RIN3: variants seen among roughly 807,000 people sequenced by gnomAD.
RIN3 encodes RAB5 interacting protein 3.
RIN3 carries 54 observed loss-of-function variants against 76.3 expected under a neutral mutation model. The observed-to-expected ratio is 0.71, with a 90% CI of 0.57 to 0.89. The LOEUF (loss-of-function observed/expected upper bound fraction) is 0.89, where lower values mean the gene tolerates loss of function less well. RIN3 is among the 40% of genes least tolerant of loss of function. The pLI, the probability that RIN3 is intolerant of heterozygous loss-of-function variation, is 0.00. For missense variants in RIN3, 1,256 were observed against 1,322.1 expected, an observed-to-expected ratio of 0.95 and a Z score of 0.78; for synonymous variants, 576 against 564.0, an observed-to-expected ratio of 1.02 and a Z score of -0.30.
rs185372889 is a variant in RIN3, at chr14:92,526,761, T to A, written c.44+12785T>A. On this transcript the variant is annotated intron_variant, in intron 1 of 9. Transcript: ENST00000216487. ...AGCAAGACTCTGTCTCATAAATAAA[T>A]AAAAACTGAGCTGTGTCTCAGTGTC... Among the ~76,000 whole-genome samples the A allele has an allele frequency of 1.6e-3, 245 of 152,216 alleles. 2 individuals are homozygous for A. The highest frequency in any genetic ancestry group is 5.5e-3 in the African/African-American group (229 of 41,538).
chr14:92,638,060 C>T (rs756169868), intron 4 of RIN3, among the ~76,000 whole-genome samples: 1 of 152,202 alleles, frequency 6.6e-6, no homozygotes, highest in Non-Finnish European at 1.5e-5. Flanking sequence ...GCTCAGCAAA[C>T]ACCCACGTCC....
At chr14:92,519,594 T>G (rs191084043) in intron 1 of RIN3, among the ~76,000 whole-genome samples, 1 of 151,984 alleles carries the variant, frequency 6.6e-6, no homozygotes, top group East Asian at 2.0e-4. Flanking sequence ...AGGGTTGGAG[T>G]CTGAGGGGCG....
At chr14:92,558,522 AGAG>A (rs1367370769) in intron 2 of RIN3, among the ~76,000 whole-genome samples, 4 of 152,230 alleles carry the variant, frequency 2.6e-5, no homozygotes. Context: ...ACCGAGGCTA[AGAG>A]GAGTGCTTTA....
intron 3 of RIN3, among the ~76,000 whole-genome samples, chr14:92,583,379 TG>T (rs1185686402): frequency 1.3e-5 from 2 of 152,230 alleles, no homozygotes; most frequent in African/African-American, 4.8e-5. Flanking sequence ...AGTGTTTCCT[TG>T]AAACTCTCTG....
intron 4 of RIN3, among the ~76,000 whole-genome samples, chr14:92,628,208 C>T (rs891869969): frequency 6.6e-6 from 1 of 152,186 alleles, no homozygotes; most frequent in Non-Finnish European, 1.5e-5. Flanking sequence ...GGAACCAAAA[C>T]CCTTTGAAGA....
At position 92,652,274 on chromosome 14, in the gene RIN3, G is replaced by T; in HGVS notation, c.1225G>T (p.Asp409Tyr). ...DQSPGMAAEG[D>Y]QLSLPPQGTS... ...AAGTCCGGGGATGGCGGCAGAGGGGGACCAGCTCAGCCTGCCTCCCCAAGG... is the reference window on the plus strand; with the variant it reads ...AAGTCCGGGGATGGCGGCAGAGGGGTACCAGCTCAGCCTGCCTCCCCAAGG... Residue 409 changes from aspartate to tyrosine, a missense_variant, in exon 6 of 10, where the codon GAC becomes TAC. Asp to Tyr is a radical substitution (Grantham distance 160, BLOSUM62 -3). Around this residue, in one of 3 missense-constraint regions of RIN3, gnomAD observed 610 missense variants for 626.4 expected, o/e 0.97. Transcript: ENST00000216487. This position sits in a 1 kb window ranked among gnomAD's most constrained non-coding sequence, Gnocchi z 6.4. 6.2e-7 allele frequency: 1 copy of T among 1,611,292 alleles called. No homozygotes were observed. Among genetic ancestry groups the T allele is most frequent in the Middle Eastern group, 1.7e-4 (1 of 6,048 alleles).
intron 1 of RIN3, chr14:92,515,021 G>A (rs1284777713): frequency 2.1e-6 from 1 of 476,124 alleles, no homozygotes; most frequent in Non-Finnish European, 3.7e-6. Context: ...AAACAGGAGA[G>A]TTGGGCCCAT....
At chr14:92,635,709 T>C (rs4904966) in intron 4 of RIN3, among the ~76,000 whole-genome samples, 136,109 of 151,990 alleles carry the variant, frequency 0.9, 61,156 homozygotes, top group African/African-American at 0.94. Context: ...AAAAATCAGC[T>C]GGGCATGGTG....
chr14:92,516,043 C>A (rs986570692), intron 1 of RIN3, among the ~76,000 whole-genome samples: 1 of 152,104 alleles, frequency 6.6e-6, no homozygotes, highest in African/African-American at 2.4e-5. Context: ...CCACTCAGGC[C>A]AGTAGCTTTC....
chr14:92,576,809 C>T (rs561477497), intron 2 of RIN3, among the ~76,000 whole-genome samples: 31 of 152,232 alleles, frequency 2.0e-4, no homozygotes, highest in Admixed American at 5.2e-4. Context: ...CCTGTCTCAG[C>T]GAGAGCTCTA....
intron 4 of RIN3, among the ~76,000 whole-genome samples, chr14:92,640,130 A>T (rs545027506): frequency 5.6e-4 from 67 of 120,710 alleles, no homozygotes; most frequent in African/African-American, 2.0e-3. Flanking sequence ...GTTTGCTGGG[A>T]GATGCCTGAC....
intron 8 of RIN3, 113 bp from the exon 9 acceptor site, chr14:92,684,874 T>TGGGCGGTGGGCGGGGCTTGGAG: frequency 8.7e-7 from 1 of 1,152,564 alleles, no homozygotes; most frequent in African/African-American, 1.5e-5. Context: ...CAGATGTGCC[T>TGGGCGGTGGGCGGGGCTTGGAG]CAAGCAGAGG....
chr14:92,560,231 A>G (rs1897723008), intron 2 of RIN3, among the ~76,000 whole-genome samples: 2 of 152,156 alleles, frequency 1.3e-5, no homozygotes, highest in Non-Finnish European at 2.9e-5. Context: ...TGAGTATAGA[A>G]GATGTTGAGA....
At position 92,685,484 on chromosome 14, in the gene RIN3, T is replaced by A; in HGVS notation, c.2631+334T>A. On this transcript the variant is annotated intron_variant, in intron 9 of 9. Transcript: ENST00000216487. The surrounding 1 kb of genome is among the most constrained non-coding windows in gnomAD (Gnocchi z 4.7). ...AGGGGCTGGAGATGGGGACTTGTCATCCCAGTCCCTGCTTTAAGGAGCCCA... is the reference window on the plus strand; with the variant it reads ...AGGGGCTGGAGATGGGGACTTGTCAACCCAGTCCCTGCTTTAAGGAGCCCA... The A allele has an allele frequency of 3.8e-6, 1 of 261,572 alleles. No individual in the cohort carries two copies. The highest frequency in any genetic ancestry group is 7.5e-6 in the Non-Finnish European group (1 of 133,754). 16.2% of individuals were successfully genotyped at this position (261,572 alleles called of 1,614,324 possible).
In RIN3 at chr14:92,684,970, C is replaced by T; in HGVS notation, c.2468-17C>T. On this transcript the variant is annotated splice_polypyrimidine_tract_variant and intron_variant, in intron 8 of 9. Coordinates refer to ENST00000216487, the MANE Select transcript of RIN3 (RefSeq NM_024832.5). ...GGAGGCGGTCCTGGCTCAGATTCCA[C>T]ACCCTTGTCCACGCAGGTTCCTACT... is the stretch of plus-strand genomic sequence containing the variant. 3 of 1,599,356 alleles carry T rather than the reference C, an allele frequency of 1.9e-6. No homozygotes were observed. The highest frequency in any genetic ancestry group is 2.6e-6 in the Non-Finnish European group (3 of 1,167,872).
At chr14:92,533,982 CA>C (rs1896938998) in intron 1 of RIN3, among the ~76,000 whole-genome samples, 1 of 152,048 alleles carries the variant, frequency 6.6e-6, no homozygotes, top group Non-Finnish European at 1.5e-5. Context: ...CCAGCAATGA[CA>C]AAATTCTATT....
At chr14:92,626,446 C>G (rs1172901473) in intron 4 of RIN3, among the ~76,000 whole-genome samples, 2 of 152,208 alleles carry the variant, frequency 1.3e-5, no homozygotes, top group Non-Finnish European at 2.9e-5. Context: ...CCTTGAACCT[C>G]TGAACTAGTC....
chr14:92,513,915 C>G lies in RIN3; in HGVS notation c.-18C>G. The stretch of plus-strand genomic sequence containing the variant: ...GCGCCTGAGCGCCTCCGTTCCCCGT[C>G]CCGGAGCTGCCGGCGGCATGATCCG... On this transcript the variant is annotated 5_prime_UTR_variant, in exon 1 of 10. Coordinates refer to ENST00000216487, the MANE Select transcript of RIN3 (RefSeq NM_024832.5). 8.0e-7 allele frequency: 1 copy of G among 1,251,978 alleles called. No homozygotes were observed. The highest frequency in any genetic ancestry group is 1.0e-6 in the Non-Finnish European group (1 of 998,346). The allele number at this position is 1,251,978 out of a possible 1,614,324, so 77.6% of individuals were successfully genotyped here.
chr14:92,635,998 A>G (rs1886761867), intron 4 of RIN3, among the ~76,000 whole-genome samples: 1 of 152,220 alleles, frequency 6.6e-6, no homozygotes, highest in Non-Finnish European at 1.5e-5. Context: ...TGAACCCTCC[A>G]TTCAGATGCA....
Sources: gnomAD v4.1 joint callset for allele counts (sites outside exome capture counted in the v4.1 genomes callset) on GRCh38, gnomAD v4.1.1 for gene constraint, gnomAD v4.1.1 regional missense constraint, Gnocchi (gnomAD v3.1) non-coding constraint, MANE v1.5 for transcripts, NCBI Gene and HGNC (gene_info 2026-07-23, HGNC 2026-07-21) for gene names.